Variants in CDK8 observed in about 807,000 individuals in gnomAD.
CDK8 encodes cyclin-dependent kinase 8.
In CDK8, 29 loss-of-function variants were observed where a neutral mutation model predicts 71.5. The observed-to-expected ratio is 0.41, with a 90% CI of 0.30 to 0.55. The LOEUF (loss-of-function observed/expected upper bound fraction) is 0.55. Among genes scored for constraint, CDK8 ranks in the 20% least tolerant of loss-of-function variants. The probability of loss-of-function intolerance (pLI) is 0.37; values close to 1 mark genes in which losing one functional copy is unlikely to be tolerated. For missense variants in CDK8, 288 were observed against 572.6 expected, an observed-to-expected ratio of 0.50 and a Z score of 5.07; for synonymous variants, 161 against 192.1, an observed-to-expected ratio of 0.84 and a Z score of 1.34.
intron 1 of CDK8, among the ~76,000 whole-genome samples, chr13:26,257,919 TGTGA>T (rs747894842): frequency 0.044 from 6,220 of 141,482 alleles, 148 homozygotes; most frequent in Non-Finnish European, 0.062. Flanking sequence ...TGTGTGTGTG[TGTGA>T]GAGAGAGAGA....
rs548089671 is a variant in CDK8, at chr13:26,364,996, C to T, written c.456+11116C>T. On this transcript the variant is annotated intron_variant, in intron 4 of 12. Coordinates refer to ENST00000381527, the MANE Select transcript of CDK8 (RefSeq NM_001260.3). The stretch of plus-strand genomic sequence containing the variant: ...AAATGAGAGTTGGGAACCTGTTAAG[C>T]GTGTTTAAAACAGAGCTTTTTGAAG... Among the ~76,000 whole-genome samples, 23 of 152,150 alleles carry T rather than the reference C, an allele frequency of 1.5e-4. No individual in the cohort carries two copies. The South Asian group carries it at 3.7e-3, about 25-fold the overall frequency.
intron 1 of CDK8, among the ~76,000 whole-genome samples, chr13:26,270,528 C>T (rs1872265508): frequency 6.6e-6 from 1 of 152,162 alleles, no homozygotes; most frequent in Non-Finnish European, 1.5e-5. Context: ...TACCCATTAG[C>T]AATCACTCCT....
chr13:26,254,785 T>C lies in CDK8; in HGVS notation c.128+16T>C. 6.2e-7 allele frequency: 1 copy of C among 1,609,730 alleles called. No homozygotes were observed. Among genetic ancestry groups the C allele is most frequent in the Non-Finnish European group, 8.5e-7 (1 of 1,177,614 alleles). On this transcript the variant is annotated intron_variant, in intron 1 of 12. Transcript: ENST00000381527. The surrounding 1 kb of genome is among the most constrained non-coding windows in gnomAD (Gnocchi z 6.7). Reference sequence around the variant, plus strand: ...GGAAAGATGGGTGAGTGTGTGTGTCTGGGCCGGTGTCCGCGCTGGGCGGCG... The same window carrying C: ...GGAAAGATGGGTGAGTGTGTGTGTCCGGGCCGGTGTCCGCGCTGGGCGGCG...
intron 5 of CDK8, among the ~76,000 whole-genome samples, chr13:26,383,410 A>G (rs1183944776): frequency 2.0e-5 from 3 of 152,102 alleles, no homozygotes; most frequent in Non-Finnish European, 2.9e-5. Flanking sequence ...TTCTGTACAT[A>G]TTTTCTGATA....
chr13:26,292,788 T>G (rs1036675145), intron 1 of CDK8, among the ~76,000 whole-genome samples: 5 of 152,224 alleles, frequency 3.3e-5, no homozygotes. Flanking sequence ...TATTGTTATA[T>G]TCTCTTATAA....
At chr13:26,315,078 C>T (rs1874447486) in intron 1 of CDK8, among the ~76,000 whole-genome samples, 1 of 151,976 alleles carries the variant, frequency 6.6e-6, no homozygotes, top group South Asian at 2.1e-4. Context: ...TGGGATTAGT[C>T]TAATTCTGAT....
chr13:26,398,889 A>T (rs960621418), intron 9 of CDK8, among the ~76,000 whole-genome samples: 8 of 150,878 alleles, frequency 5.3e-5, no homozygotes, highest in African/African-American at 1.5e-4. Context: ...GCTTGAACCC[A>T]GGAGGTGGAG....
At chr13:26,383,974 C>T (rs2138047668) in intron 5 of CDK8, among the ~76,000 whole-genome samples, 1 of 152,204 alleles carries the variant, frequency 6.6e-6, no homozygotes, top group East Asian at 1.9e-4. Context: ...TTTGCGGCAT[C>T]AAATTCAAAT....
chr13:26,370,925 A>T (rs1044522815), intron 4 of CDK8, among the ~76,000 whole-genome samples: 20 of 152,158 alleles, frequency 1.3e-4, no homozygotes, highest in Non-Finnish European at 2.8e-4. Flanking sequence ...TTCTATAAGA[A>T]ATGTTTATTT....
intron 12 of CDK8, 151 bp from the exon 13 acceptor site, chr13:26,403,804 TG>T: frequency 1.2e-6 from 1 of 820,272 alleles, no homozygotes; most frequent in Non-Finnish European, 1.9e-6. Context: ...TTAAAATATT[TG>T]GGGTTTTTGT....
chr13:26,315,383 A>G (rs2137937781), intron 1 of CDK8, among the ~76,000 whole-genome samples: 1 of 152,318 alleles, frequency 6.6e-6, no homozygotes, highest in Middle Eastern at 3.4e-3. Context: ...TTGCCAGATC[A>G]GTTAGATGAG....
At chr13:26,290,732 T>A (rs1384280103) in intron 1 of CDK8, among the ~76,000 whole-genome samples, 7 of 152,160 alleles carry the variant, frequency 4.6e-5, no homozygotes, top group African/African-American at 1.7e-4. Context: ...AAAACATTTT[T>A]TAAAGAAGAC....
intron 6 of CDK8, among the ~76,000 whole-genome samples, chr13:26,387,828 G>C (rs191772360): frequency 8.5e-5 from 13 of 152,220 alleles, no homozygotes; most frequent in Admixed American, 5.9e-4. Context: ...GGATTACATA[G>C]TCTAAAATAG....
At chr13:26,313,444 C>T (rs1593256858) in intron 1 of CDK8, among the ~76,000 whole-genome samples, 2 of 152,144 alleles carry the variant, frequency 1.3e-5, no homozygotes, top group African/African-American at 4.8e-5. Flanking sequence ...TAGGGGCTAT[C>T]ATTAACATAA....
intron 8 of CDK8, among the ~76,000 whole-genome samples, chr13:26,396,823 C>T (rs1255905957): frequency 2.6e-5 from 4 of 151,982 alleles, no homozygotes; most frequent in Non-Finnish European, 5.9e-5. Flanking sequence ...AAGTATTTTA[C>T]ACTTATTGGT....
intron 2 of CDK8, among the ~76,000 whole-genome samples, chr13:26,347,486 A>G (rs1045045461): frequency 2.0e-4 from 30 of 152,220 alleles, no homozygotes; most frequent in Non-Finnish European, 4.1e-4. Flanking sequence ...TGTGATGTCA[A>G]AGCCTAGACA....
At chr13:26,306,294 C>T (rs1874036512) in intron 1 of CDK8, among the ~76,000 whole-genome samples, 1 of 152,126 alleles carries the variant, frequency 6.6e-6, no homozygotes, top group Non-Finnish European at 1.5e-5. Flanking sequence ...ATCTGCTGAG[C>T]CCTACAAGAC....
chr13:26,300,593 G>A lies in CDK8; in HGVS notation c.129-36974G>A, dbSNP rs1423596598. On this transcript the variant is annotated intron_variant, in intron 1 of 12. Coordinates refer to ENST00000381527, the MANE Select transcript of CDK8 (RefSeq NM_001260.3). Reference sequence around the variant, plus strand: ...TTGCCTATGTCCTGTCTGAGTTAAAGTAGAAAAATGTAATCAGTCTTGGAA... The same window carrying A: ...TTGCCTATGTCCTGTCTGAGTTAAAATAGAAAAATGTAATCAGTCTTGGAA... Among the ~76,000 whole-genome samples, 8 of 152,128 alleles carry A rather than the reference G, an allele frequency of 5.3e-5. No homozygotes were observed. The South Asian group carries it at 1.5e-3, about 28-fold the overall frequency.
intron 1 of CDK8, among the ~76,000 whole-genome samples, chr13:26,273,314 T>A (rs1872415657): frequency 6.6e-6 from 1 of 152,204 alleles, no homozygotes; most frequent in Admixed American, 6.5e-5. Flanking sequence ...AACTTGGAAG[T>A]GTACTTTCTT....
Sources: allele counts gnomAD v4.1 joint callset (sites outside exome capture counted in the v4.1 genomes callset), GRCh38; gene constraint gnomAD v4.1.1; non-coding constraint Gnocchi (gnomAD v3.1); transcripts MANE v1.5; gene names NCBI Gene and HGNC (gene_info 2026-07-23, HGNC 2026-07-21).